The following BCL11B variants were observed in gnomAD, a reference collection of about 807,000 sequenced individuals.
BCL11B encodes the protein BCL11 transcription factor B, also known as B-cell lymphoma/leukemia 11B.
BCL11B carries 8 observed loss-of-function variants against 49.9 expected under a neutral mutation model. The ratio of observed to expected loss-of-function variants is 0.16; its 90% confidence interval spans 0.09 to 0.29. BCL11B has a LOEUF of 0.29. Ranked by LOEUF, BCL11B falls within the 10% of genes least tolerant of loss-of-function variation. The pLI is 1.00. For missense variants in BCL11B, 1,006 were observed against 1,351.0 expected (o/e 0.74, Z 4.00); for synonymous variants, 739 against 637.4 (o/e 1.16, Z -2.40).
chr14:99,243,282 C>T (rs578051022), intron 2 of BCL11B, among the ~76,000 whole-genome samples: 5 of 151,954 alleles, frequency 3.3e-5, no homozygotes, highest in Non-Finnish European at 5.9e-5. Flanking sequence ...ATTGAAAAAC[C>T]AAGTGCCCCC....
intron 1 of BCL11B, among the ~76,000 whole-genome samples, chr14:99,269,990 G>C (rs1025551430): frequency 4.0e-5 from 6 of 151,720 alleles, no homozygotes; most frequent in African/African-American, 1.5e-4. Context: ...CCCGCGGGCT[G>C]CGGCGGGCGG....
intron 3 of BCL11B, among the ~76,000 whole-genome samples, chr14:99,216,896 A>G (rs1887852540): frequency 6.7e-6 from 1 of 149,956 alleles, no homozygotes; most frequent in Admixed American, 6.7e-5. Context: ...GATACCATAT[A>G]CACTCAGACA....
At chr14:99,225,599 C>T (rs1888136962) in intron 3 of BCL11B, among the ~76,000 whole-genome samples, 1 of 151,882 alleles carries the variant, frequency 6.6e-6, no homozygotes, top group Admixed American at 6.6e-5. Flanking sequence ...GTAATGAGCA[C>T]CAGCTGTGCT....
At chr14:99,269,523 C>G (rs369828459) in intron 1 of BCL11B, among the ~76,000 whole-genome samples, 10 of 125,716 alleles carry the variant, frequency 8.0e-5, no homozygotes, top group African/African-American at 1.8e-4. Context: ...ATTCCCCCCC[C>G]CCCAAAAAAA....
chr14:99,269,286 G>T (rs539834803), intron 1 of BCL11B, among the ~76,000 whole-genome samples: 1 of 152,128 alleles, frequency 6.6e-6, no homozygotes. Flanking sequence ...TCTAAAGGGG[G>T]AAGGGTGTAG....
intron 1 of BCL11B, among the ~76,000 whole-genome samples, chr14:99,259,333 TTCTGTGGCATCTCC>T (rs749995169): frequency 8.5e-5 from 13 of 152,112 alleles, no homozygotes; most frequent in Non-Finnish European, 1.6e-4. Context: ...AAGGAAAAAA[TTCTGTGGCATCTCC>T]CATCCTACAC....
At chr14:99,244,784 AACTCTTACTC>A (rs1205832363) in intron 2 of BCL11B, among the ~76,000 whole-genome samples, 2 of 152,266 alleles carry the variant, frequency 1.3e-5, no homozygotes, top group African/African-American at 4.8e-5. Context: ...TTTTAAAATC[AACTCTTACTC>A]AAAACGCCAT....
chr14:99,235,534 G>A (rs1888470351), intron 2 of BCL11B, among the ~76,000 whole-genome samples: 1 of 152,212 alleles, frequency 6.6e-6, no homozygotes, highest in South Asian at 2.1e-4. Flanking sequence ...TATTAATGCA[G>A]AAGTACAAAG....
At chr14:99,267,537 G>T (rs1889518263) in intron 1 of BCL11B, among the ~76,000 whole-genome samples, 1 of 26,644 alleles carries the variant, frequency 3.8e-5, no homozygotes, top group Non-Finnish European at 7.2e-5. Context: ...GAAGGGAGAG[G>T]AACTTCACCC....
Position 99,174,289 on chromosome 14 carries a change from G to A in BCL11B, c.2547C>T (p.Ile849=), listed in dbSNP as rs147339446. The part of the protein sequence containing the change: ...LTRHMKTHGQ[I]GKEVYRCDIC... ...TGTCGCAGCGGTACACCTCCTTGCC[G>A]ATCTGCCCGTGCGTCTTCATGTGGC... is the stretch of plus-strand genomic sequence containing the variant. Residue 849 remains isoleucine (I), a synonymous_variant, in exon 4 of 4, where the codon ATC becomes ATT. Coordinates refer to ENST00000357195, the MANE Select transcript of BCL11B (RefSeq NM_138576.4). 6 of 1,613,454 alleles carry A rather than the reference G, an allele frequency of 3.7e-6. No homozygotes were observed. The African/African-American group carries it at 5.3e-5, about 14-fold the overall frequency.
At chr14:99,264,296 C>CCG (rs1555384875) in intron 1 of BCL11B, 3 of 122,420 alleles carry the variant, frequency 2.5e-5, no homozygotes, top group Non-Finnish European at 6.1e-5. Context: ...CCGCCCCCCC[C>CCG]CTTTTTTTTA....
At chr14:99,185,678 T>G (rs1886832869) in intron 3 of BCL11B, among the ~76,000 whole-genome samples, 1 of 151,804 alleles carries the variant, frequency 6.6e-6, no homozygotes, top group African/African-American at 2.4e-5. Context: ...CCAAGAGCAT[T>G]CCACAAAAGG....
chr14:99,190,382 G>A (rs1415718810), intron 3 of BCL11B, among the ~76,000 whole-genome samples: 1 of 152,238 alleles, frequency 6.6e-6, no homozygotes, highest in African/African-American at 2.4e-5. Flanking sequence ...CCAGCTACCT[G>A]GGGGTTGAGG....
At position 99,195,734 on chromosome 14, in the gene BCL11B, G is replaced by A. The variant is rs1258704844; in HGVS notation, c.641-19539C>T. Among the ~76,000 whole-genome samples the A allele has an allele frequency of 3.9e-5, 6 of 151,996 alleles. 1 individual carries two copies. In the East Asian group the frequency reaches 1.2e-3, roughly 29 times the overall value. ...AGCACCCCACCCCCAAGGATAACAG[G>A]CCCCTACAGAGTGGGAGCCTCGTCC... On this transcript the variant is annotated intron_variant, in intron 3 of 3. Coordinates refer to ENST00000357195, the MANE Select transcript of BCL11B (RefSeq NM_138576.4). The surrounding 1 kb of genome is among the most constrained non-coding windows in gnomAD (Gnocchi z 4.7).
At position 99,231,213 on chromosome 14, in the gene BCL11B, C is replaced by T. The variant is rs944832775; in HGVS notation, c.640+132G>A. ...GTTCAGCGAACATTCTTTACCACTT[C>T]CCCTGGCACCCCAAAAAGCCTTCTG... On this transcript the variant is annotated intron_variant, in intron 3 of 3. Coordinates refer to ENST00000357195, the MANE Select transcript of BCL11B (RefSeq NM_138576.4). This position sits in a 1 kb window ranked among gnomAD's most constrained non-coding sequence, Gnocchi z 8.1. The T allele has an allele frequency of 2.0e-6, 2 of 989,714 alleles. No individual in the cohort carries two copies. Among genetic ancestry groups the T allele is most frequent in the Middle Eastern group, 3.2e-4 (1 of 3,084 alleles). The allele number at this position is 989,714 out of a possible 1,614,324, so 61.3% of individuals were successfully genotyped here. A position where few individuals can be genotyped will look rare whatever the true frequency, so the allele number is the denominator to read the frequency against.
At position 99,175,165 on chromosome 14, in the gene BCL11B, G is replaced by A; in HGVS notation, c.1671C>T (p.Ser557=). The A allele has an allele frequency of 6.3e-7, 1 of 1,589,252 alleles. No homozygotes were observed. Among genetic ancestry groups the A allele is most frequent in the Non-Finnish European group, 8.5e-7 (1 of 1,170,172 alleles). Residue 557 remains serine (S), a synonymous_variant, in exon 4 of 4, where the codon AGC becomes AGT. Transcript: ENST00000357195. ...ENESRPESSF[S]MDSELSRNRE... is the part of the protein sequence containing the mutation. ...GGTTGCGGCTCAGCTCCGAGTCCAT[G>A]CTGAAGCTCGACTCGGGCCGGCTCT... is the stretch of plus-strand genomic sequence containing the variant.
chr14:99,257,501 C>G lies in BCL11B; in HGVS notation c.397G>C (p.Gly133Arg). The G allele has an allele frequency of 6.2e-7, 1 of 1,609,970 alleles. No individual in the cohort carries two copies. Among genetic ancestry groups the G allele is most frequent in the Non-Finnish European group, 8.5e-7 (1 of 1,177,112 alleles). ...EDDHLLSPTK[G>R]ICPKQENIAG... Reference sequence around the variant, plus strand: ...ATGTTCTCCTGCTTGGGACAGATGCCTTTCGTGGGTGAGAGCAGGTGGTCA... The same window carrying G: ...ATGTTCTCCTGCTTGGGACAGATGCGTTTCGTGGGTGAGAGCAGGTGGTCA... Residue 133 changes from glycine (G) to arginine (R), a missense_variant, in exon 2 of 4, where the codon GGC becomes CGC. Physicochemically the swap from Gly to Arg is moderately radical, Grantham distance 125. Coordinates refer to ENST00000357195, the MANE Select transcript of BCL11B (RefSeq NM_138576.4). The surrounding 1 kb of genome is among the most constrained non-coding windows in gnomAD (Gnocchi z 6.2).
chr14:99,187,563 G>A, intron 3 of BCL11B, among the ~76,000 whole-genome samples: 1 of 151,968 alleles, frequency 6.6e-6, no homozygotes, highest in Non-Finnish European at 1.5e-5. Flanking sequence ...CTAGAACTCT[G>A]GGGACAGGAA....
intron 3 of BCL11B, among the ~76,000 whole-genome samples, chr14:99,181,173 G>A (rs1466861886): frequency 2.6e-5 from 4 of 152,234 alleles, no homozygotes; most frequent in Non-Finnish European, 4.4e-5. Context: ...ACTGCTGTTC[G>A]AGAAGGAGCA....
Sources: gnomAD v4.1 joint callset for allele counts (sites outside exome capture counted in the v4.1 genomes callset) on GRCh38, gnomAD v4.1.1 for gene constraint, Gnocchi (gnomAD v3.1) non-coding constraint, MANE v1.5 for transcripts, NCBI Gene and HGNC (gene_info 2026-07-23, HGNC 2026-07-21) for gene names.